GATA3: variants seen among roughly 807,000 people sequenced by gnomAD.
The protein encoded by GATA3 is trans-acting T-cell-specific transcription factor GATA-3.
In GATA3, 6 loss-of-function variants were observed where a neutral mutation model predicts 36.0. That is an observed-to-expected ratio of 0.17 (90% CI 0.09 to 0.33). The LOEUF (loss-of-function observed/expected upper bound fraction) is 0.33. GATA3 is among the 10% of genes least tolerant of loss of function. The pLI is 1.00. For missense variants in GATA3, 514 were observed against 610.1 expected, an observed-to-expected ratio of 0.84 and a Z score of 1.66; for synonymous variants, 326 against 273.0, an observed-to-expected ratio of 1.19 and a Z score of -1.92.
chr10:8,061,066 G>GCTCTCTCTCTCTCTCT lies in GATA3; in HGVS notation c.778+2234_778+2249dup, dbSNP rs111353803. The stretch of plus-strand genomic sequence containing the variant: ...GGGGATTCTCTTGGTTTTAGTGGTT[G>GCTCTCTCTCTCTCTCT]CTCTCTCTCTCTCTCTCTCTCTCTT... On this transcript the variant is annotated intron_variant, in intron 3 of 5. Coordinates refer to ENST00000379328, the MANE Select transcript of GATA3 (RefSeq NM_001002295.2). 2.5e-4 allele frequency among the ~76,000 whole-genome samples: 37 copies of GCTCTCTCTCTCTCTCT among 149,042 alleles called. 1 individual carries two copies. Among genetic ancestry groups the GCTCTCTCTCTCTCTCT allele is most frequent in the South Asian group, 6.5e-4 (3 of 4,628 alleles).
At chr10:8,053,517 G>C (rs1432847702), upstream of GATA3, 1 of 152,194 alleles carries the variant, frequency 6.6e-6, no homozygotes, top group African/African-American at 2.4e-5. This position sits in a 1 kb window ranked among gnomAD's most constrained non-coding sequence, Gnocchi z 5.1. Context: ...TGGAACCCGC[G>C]GGGCGGACCA....
chr10:8,066,549 G>C (rs2131506481), intron 4 of GATA3, among the ~76,000 whole-genome samples: 1 of 151,386 alleles, frequency 6.6e-6, no homozygotes, highest in Middle Eastern at 3.4e-3. Context: ...TCCAGTTCCA[G>C]CTTGCTATTT....
intron 4 of GATA3, among the ~76,000 whole-genome samples, chr10:8,065,844 G>A (rs1412346998): frequency 2.5e-5 from 3 of 118,944 alleles, no homozygotes; most frequent in South Asian, 6.1e-4. Flanking sequence ...ATGTTTGAAC[G>A]TATCAGAACA....
rs2131500239 is a variant in GATA3 at position 8,063,979 on chromosome 10, G to A, written c.779-14G>A. On this transcript the variant is annotated splice_polypyrimidine_tract_variant and intron_variant, in intron 3 of 5. Coordinates refer to ENST00000379328, the MANE Select transcript of GATA3 (RefSeq NM_001002295.2). ...TTCCTTCCCTAAGTGGCTTATCTGTGCTTTTGTTTCCAGAAGGCAGGGAGT... is the reference window on the plus strand; with the variant it reads ...TTCCTTCCCTAAGTGGCTTATCTGTACTTTTGTTTCCAGAAGGCAGGGAGT... 6.2e-7 allele frequency: 1 copy of A among 1,614,192 alleles called. No homozygotes were observed.
upstream of GATA3, chr10:8,050,896 T>A (rs1233922714): frequency 2.1e-6 from 1 of 486,176 alleles, no homozygotes; most frequent in Non-Finnish European, 4.1e-6. Context: ...CCGCTTTGCC[T>A]GTTACCCAGG....
At chr10:8,048,512 G>A (rs1384179144) in intron 1 of GATA3, among the ~76,000 whole-genome samples, 1 of 152,206 alleles carries the variant, frequency 6.6e-6, no homozygotes, top group African/African-American at 2.4e-5. Flanking sequence ...AGGAGTCACT[G>A]ATGCCACTGG....
rs1217654075 is a variant in GATA3, at chr10:8,064,307, TCTTC to T, written c.924+170_924+173del. Among the ~76,000 whole-genome samples, 412 of 111,878 alleles carry T rather than the reference TCTTC, an allele frequency of 3.7e-3. 1 individual carries two copies. Among genetic ancestry groups the T allele is most frequent in the African/African-American group, 0.011 (348 of 32,158 alleles). 73.4% of individuals were successfully genotyped at this position (111,878 alleles called of 152,430 possible). On this transcript the variant is annotated intron_variant, in intron 4 of 5. Coordinates refer to ENST00000379328, the MANE Select transcript of GATA3 (RefSeq NM_001002295.2). ...CCTTTTTCTTTCTTTCTTTTCTTCT[TCTTC>T]TTTTTTTTTTTTTTTTTCAAATTTG...
At chr10:8,063,370 C>T (rs1000135052) in intron 3 of GATA3, among the ~76,000 whole-genome samples, 1 of 152,194 alleles carries the variant, frequency 6.6e-6, no homozygotes, top group Non-Finnish European at 1.5e-5. Context: ...CTAATCGCTT[C>T]CTTTCCAGCC....
At chr10:8,045,356 T>G (rs1832374811), upstream of GATA3, 1 of 152,436 alleles carries the variant, frequency 6.6e-6, no homozygotes. Flanking sequence ...GTTTTACCTC[T>G]CGCTGGAAGC....
rs34193161 is a variant in GATA3, at chr10:8,065,252, C to CTTTTTT, written c.924+1132_924+1137dup. 5.2e-3 allele frequency among the ~76,000 whole-genome samples: 482 copies of CTTTTTT among 92,052 alleles called. 16 individuals carry two copies. The highest frequency in any genetic ancestry group is 0.015 in the African/African-American group (323 of 21,276). 60.4% of individuals were successfully genotyped at this position (92,052 alleles called of 152,430 possible). A position where few individuals can be genotyped will look rare whatever the true frequency, so the allele number is the denominator to read the frequency against. ...CCTATTTTGAAGAAGGAAAAACTTTCTTTTTTTTTTTTTTTTTTTTTTTGA... is the reference window on the plus strand; with the variant it reads ...CCTATTTTGAAGAAGGAAAAACTTTCTTTTTTTTTTTTTTTTTTTTTTTTTTTTTGA... On this transcript the variant is annotated intron_variant, in intron 4 of 5. Transcript: ENST00000379328.
intron 1 of GATA3, among the ~76,000 whole-genome samples, chr10:8,048,564 C>A (rs1832420091): frequency 1.3e-5 from 2 of 152,192 alleles, no homozygotes; most frequent in African/African-American, 4.8e-5. Flanking sequence ...CCCAGGGACG[C>A]CGGCTGGGCT....
rs568688815 is a variant in GATA3 at position 8,058,755 on chromosome 10, C to T, written c.692C>T (p.Ser231Phe). 1.9e-6 allele frequency: 3 copies of T among 1,611,484 alleles called. No individual in the cohort carries two copies. The highest frequency in any genetic ancestry group is 1.1e-5 in the South Asian group (1 of 91,068). ...CCGCCCTACGTGCCCGAGTACAGCT[C>T]CGGACTCTTCCCCCCCAGCAGCCTG... The part of the protein sequence containing the change: ...TYPPYVPEYS[S>F]GLFPPSSLLG... The change falls in exon 3 of 6, where the codon TCC (serine) becomes TTC (phenylalanine). Residue 231 changes from serine (S) to phenylalanine (F), a missense_variant. Around this residue, in one of 3 missense-constraint regions of GATA3, gnomAD observed 381 missense variants for 354.3 expected, o/e 1.08. Transcript: ENST00000379328.
upstream of GATA3, among the ~76,000 whole-genome samples, chr10:8,051,808 C>T (rs1353670858): frequency 6.6e-6 from 1 of 151,618 alleles, no homozygotes; most frequent in African/African-American, 2.4e-5. Flanking sequence ...CTCTTGCCGG[C>T]GAGGCGGGTC....
chr10:8,060,828 C>G (rs892572460), intron 3 of GATA3, among the ~76,000 whole-genome samples: 1 of 152,128 alleles, frequency 6.6e-6, no homozygotes, highest in Non-Finnish European at 1.5e-5. Flanking sequence ...ACCGATACAC[C>G]GATTTTGGTT....
intron 2 of GATA3, among the ~76,000 whole-genome samples, chr10:8,057,373 G>A (rs933663193): frequency 1.3e-5 from 2 of 152,142 alleles, no homozygotes; most frequent in African/African-American, 4.8e-5. Flanking sequence ...AAGATTGTGC[G>A]TTTTAAATGA....
Position 8,055,926 on chromosome 10 carries a change from G to A in GATA3, c.241+30G>A, listed in dbSNP as rs1037111200. On this transcript the variant is annotated intron_variant, in intron 2 of 5. Transcript: ENST00000379328. This position sits in a 1 kb window ranked among gnomAD's most constrained non-coding sequence, Gnocchi z 5.4. ...GTGCGCCCGGGGTGCCGGGGCTCCC[G>A]CCGGCCGCTTCAGCCGTCCCGGCTC... is the stretch of plus-strand genomic sequence containing the variant. 6.5e-7 allele frequency: 1 copy of A among 1,550,214 alleles called. No individual in the cohort carries two copies. Among genetic ancestry groups the A allele is most frequent in the Non-Finnish European group, 8.7e-7 (1 of 1,146,656 alleles).
At chr10:8,056,493 G>A (rs997932732) in intron 2 of GATA3, among the ~76,000 whole-genome samples, 1 of 152,164 alleles carries the variant, frequency 6.6e-6, no homozygotes, top group Non-Finnish European at 1.5e-5. Context: ...TTTTAGACAG[G>A]TCTCTTACCT....
upstream of GATA3, among the ~76,000 whole-genome samples, chr10:8,049,665 T>G (rs903902694): frequency 6.6e-6 from 1 of 152,124 alleles, no homozygotes; most frequent in Admixed American, 6.5e-5. Flanking sequence ...CAGCTTTACC[T>G]GTGCTATAGT....
chr10:8,055,792 A>G lies in GATA3; in HGVS notation c.137A>G (p.Glu46Gly). The G allele has an allele frequency of 6.3e-7, 1 of 1,593,262 alleles. No homozygotes were observed. Among genetic ancestry groups the G allele is most frequent in the South Asian group, 1.1e-5 (1 of 87,616 alleles). ...GCGGCGCAGTACCCGCTGCCGGAGG[A>G]GGTGGATGTGCTTTTTAACATCGAC... Reference protein sequence around the residue: ...MDAAQYPLPEEVDVLFNIDGQ... With the variant: ...MDAAQYPLPEGVDVLFNIDGQ... The change falls in exon 2 of 6, where the codon GAG (glutamate) becomes GGG (glycine). Residue 46 changes from glutamate (E) to glycine (G), a missense_variant. Coordinates refer to ENST00000379328, the MANE Select transcript of GATA3 (RefSeq NM_001002295.2). The surrounding 1 kb of genome is among the most constrained non-coding windows in gnomAD (Gnocchi z 5.4).
Sources: allele counts gnomAD v4.1 joint callset (sites outside exome capture counted in the v4.1 genomes callset), GRCh38; gene constraint gnomAD v4.1.1; regional missense constraint gnomAD v4.1.1; non-coding constraint Gnocchi (gnomAD v3.1); transcripts MANE v1.5; gene names NCBI Gene and HGNC (gene_info 2026-07-23, HGNC 2026-07-21).